Variants in CASZ1 observed in about 807,000 individuals in gnomAD.
CASZ1 encodes zinc finger protein castor homolog 1.
CASZ1 carries 28 observed loss-of-function variants against 135.2 expected under a neutral mutation model. The observed-to-expected ratio is 0.21, with a 90% CI of 0.15 to 0.28. CASZ1 has a LOEUF of 0.28. CASZ1 is among the 10% of genes least tolerant of loss of function. CASZ1 has a pLI of 1.00. For synonymous variants in CASZ1, 1,068 were observed against 1,073.4 expected (o/e 0.99, Z 0.10); for missense variants, 2,161 against 2,453.3 (o/e 0.88, Z 2.52).
intron 4 of CASZ1, 129 bp downstream of exon 4, chr1:10,693,745 G>A (rs1232524214): frequency 6.1e-6 from 5 of 825,560 alleles, no homozygotes; most frequent in African/African-American, 3.4e-5. Flanking sequence ...GACGCCGGGA[G>A]GCAGCCGCCC....
chr1:10,738,731 A>G (rs1374016214), intron 2 of CASZ1, among the ~76,000 whole-genome samples: 1 of 152,190 alleles, frequency 6.6e-6, no homozygotes, highest in Non-Finnish European at 1.5e-5. Flanking sequence ...GGGGGAGGAG[A>G]GGGAGGCAGG....
chr1:10,706,332 TC>T lies in CASZ1; in HGVS notation c.-76-789del, dbSNP rs1297401545. Among the ~76,000 whole-genome samples the T allele has an allele frequency of 6.6e-6, 1 of 151,034 alleles. No homozygotes were observed. The highest frequency in any genetic ancestry group is 6.6e-5 in the Admixed American group (1 of 15,214). Reference sequence around the variant, plus strand: ...GTACGTGGAGAGAAAACACAGGGAGTCCCCCCGCCAGCCTGCTGGCCAGGCC... The same window carrying T: ...GTACGTGGAGAGAAAACACAGGGAGTCCCCCGCCAGCCTGCTGGCCAGGCC... On this transcript the variant is annotated intron_variant, in intron 2 of 20. Transcript: ENST00000377022. The surrounding 1 kb of genome is among the most constrained non-coding windows in gnomAD (Gnocchi z 4.3).
chr1:10,691,058 G>A (rs1455028262), intron 4 of CASZ1, among the ~76,000 whole-genome samples: 1 of 146,700 alleles, frequency 6.8e-6, no homozygotes, highest in Non-Finnish European at 1.5e-5. Context: ...ATGGAACTAT[G>A]TCCTCCTCTC....
chr1:10,795,172 G>T (rs1180589710), intron 1 of CASZ1, among the ~76,000 whole-genome samples: 2 of 150,908 alleles, frequency 1.3e-5, no homozygotes, highest in African/African-American at 4.9e-5. Context: ...CCTGCCCCGG[G>T]AGATCCCTGA....
rs1456130904 is a variant in CASZ1 at position 10,756,049 on chromosome 1, C to A, written c.-77+4652G>T. ...GCACACGCCTCCCACCCGGACACACCCTCCCCCAGGGCCGGCCCAGTGTTC... is the reference window on the plus strand; with the variant it reads ...GCACACGCCTCCCACCCGGACACACACTCCCCCAGGGCCGGCCCAGTGTTC... On this transcript the variant is annotated intron_variant, in intron 2 of 20. Coordinates refer to ENST00000377022, the MANE Select transcript of CASZ1 (RefSeq NM_001079843.3). This position sits in a 1 kb window ranked among gnomAD's most constrained non-coding sequence, Gnocchi z 5.9. Among the ~76,000 whole-genome samples, 2 of 152,166 alleles carry A rather than the reference C, an allele frequency of 1.3e-5. No individual in the cohort carries two copies. The highest frequency in any genetic ancestry group is 4.1e-4 in the South Asian group (2 of 4,832).
In CASZ1 at chr1:10,757,961, C is replaced by T. The variant is rs531073630; in HGVS notation, c.-77+2740G>A. Reference sequence around the variant, plus strand: ...CCCCATCCACGTCCTGGCCACTCTGCCTTTCTTTCCAGTCACTGGATGCAC... The same window carrying T: ...CCCCATCCACGTCCTGGCCACTCTGTCTTTCTTTCCAGTCACTGGATGCAC... On this transcript the variant is annotated intron_variant, in intron 2 of 20. Coordinates refer to ENST00000377022, the MANE Select transcript of CASZ1 (RefSeq NM_001079843.3). The surrounding 1 kb of genome is among the most constrained non-coding windows in gnomAD (Gnocchi z 4.6). Among the ~76,000 whole-genome samples, 1 of 152,204 alleles carries T rather than the reference C, an allele frequency of 6.6e-6. No individual in the cohort carries two copies. Among genetic ancestry groups the T allele is most frequent in the African/African-American group, 2.4e-5 (1 of 41,442 alleles).
At chr1:10,743,720 C>T (rs1639978004) in intron 2 of CASZ1, among the ~76,000 whole-genome samples, 1 of 149,970 alleles carries the variant, frequency 6.7e-6, no homozygotes, top group South Asian at 2.1e-4. Flanking sequence ...AATAGAAATC[C>T]AGTGCCCTGT....
At chr1:10,749,841 A>G (rs2100553081) in intron 2 of CASZ1, among the ~76,000 whole-genome samples, 1 of 152,240 alleles carries the variant, frequency 6.6e-6, no homozygotes, top group East Asian at 1.9e-4. Context: ...AACCCCCAAC[A>G]ACCAAGGCCT....
intron 2 of CASZ1, among the ~76,000 whole-genome samples, chr1:10,723,940 C>T (rs2100491664): frequency 6.6e-6 from 1 of 152,274 alleles, no homozygotes; most frequent in South Asian, 2.1e-4. Context: ...TTTGGGGGTT[C>T]TTCCCGAGTC....
At chr1:10,693,798 G>A (rs1638842196) in intron 4 of CASZ1, 76 bp downstream of exon 4, 2 of 1,408,474 alleles carry the variant, frequency 1.4e-6, no homozygotes, top group Non-Finnish European at 1.0e-6. Flanking sequence ...ACCTCATTGG[G>A]CTAAAAATAA....
chr1:10,683,946 G>A (rs1468482865), intron 4 of CASZ1, among the ~76,000 whole-genome samples: 1 of 152,230 alleles, frequency 6.6e-6, no homozygotes, highest in Non-Finnish European at 1.5e-5. Flanking sequence ...AGGGCTGGAG[G>A]CCTGTGTGTC....
At chr1:10,663,902 C>G (rs141268189) in intron 5 of CASZ1, among the ~76,000 whole-genome samples, 18 of 152,174 alleles carry the variant, frequency 1.2e-4, no homozygotes, top group African/African-American at 4.3e-4. Flanking sequence ...CTCCGCTCCC[C>G]GTCAGCTGCG....
chr1:10,639,978 C>G lies in CASZ1; in HGVS notation c.4244G>C (p.Arg1415Pro). ...IIEDMSPFGK[R>P]RKTASSRKML... is the part of the protein sequence containing the mutation. ...CTTCCGGGAGGACGCCGTCTTCCGC[C>G]GCTTGCCGAAGGGCGACATGTCCTC... The change falls in exon 21 of 21, where the codon CGG (arginine) becomes CCG (proline). Residue 1415 changes from arginine to proline, a missense_variant. By Grantham distance (103) the Arg-to-Pro change is moderately radical (BLOSUM62 -2). Coordinates refer to ENST00000377022, the MANE Select transcript of CASZ1 (RefSeq NM_001079843.3). This position sits in a 1 kb window ranked among gnomAD's most constrained non-coding sequence, Gnocchi z 4.0. The G allele has an allele frequency of 6.2e-7, 1 of 1,612,806 alleles. No homozygotes were observed. Among genetic ancestry groups the G allele is most frequent in the Non-Finnish European group, 8.5e-7 (1 of 1,180,018 alleles).
chr1:10,759,642 CTCCCG>C lies in CASZ1; in HGVS notation c.-77+1054_-77+1058del, dbSNP rs1640325853. Among the ~76,000 whole-genome samples, 1 of 152,192 alleles carries C rather than the reference CTCCCG, an allele frequency of 6.6e-6. No homozygotes were observed. The highest frequency in any genetic ancestry group is 1.5e-5 in the Non-Finnish European group (1 of 68,032). ...TACCAAACCCCAGTGCGCACCAAGGCTCCCGTCTCTGCAAGCGCTTCCTCCCTGCA... is the reference window on the plus strand; with the variant it reads ...TACCAAACCCCAGTGCGCACCAAGGCTCTCTGCAAGCGCTTCCTCCCTGCA... On this transcript the variant is annotated intron_variant, in intron 2 of 20. Coordinates refer to ENST00000377022, the MANE Select transcript of CASZ1 (RefSeq NM_001079843.3). The surrounding 1 kb of genome is among the most constrained non-coding windows in gnomAD (Gnocchi z 4.2).
intron 2 of CASZ1, among the ~76,000 whole-genome samples, chr1:10,751,201 T>G (rs1276520158): frequency 6.6e-6 from 1 of 152,162 alleles, no homozygotes; most frequent in African/African-American, 2.4e-5. Context: ...ATTTCCTAAA[T>G]TATTAATCCC....
intron 1 of CASZ1, among the ~76,000 whole-genome samples, chr1:10,795,686 CAG>C (rs1570601472): frequency 6.6e-6 from 1 of 152,224 alleles, no homozygotes; most frequent in East Asian, 1.9e-4. Context: ...CCTGTGTTGC[CAG>C]CCCTTCAGCT....
chr1:10,695,309 C>T (rs1638905405), intron 3 of CASZ1, among the ~76,000 whole-genome samples: 2 of 152,122 alleles, frequency 1.3e-5, no homozygotes, highest in African/African-American at 2.4e-5. Context: ...GCCCTTAAAA[C>T]GGGTCCAAGT....
At chr1:10,681,398 G>A (rs140764347) in intron 4 of CASZ1, among the ~76,000 whole-genome samples, 11 of 152,204 alleles carry the variant, frequency 7.2e-5, no homozygotes, top group Non-Finnish European at 1.3e-4. Context: ...GGCAGCGCCC[G>A]CCTCTCCCTG....
chr1:10,709,665 AGCGAATCAAAGTGCTGCCC>A lies in CASZ1; in HGVS notation c.-76-4140_-76-4122del, dbSNP rs934714789. ...GAGAGAGAAAGAGAGGAGAAAAGAA[AGCGAATCAAAGTGCTGCCC>A]GGAGGACGGCTGGGGAGAGAAAGGC... On this transcript the variant is annotated intron_variant, in intron 2 of 20. Coordinates refer to ENST00000377022, the MANE Select transcript of CASZ1 (RefSeq NM_001079843.3). This position sits in a 1 kb window ranked among gnomAD's most constrained non-coding sequence, Gnocchi z 5.1. 9.9e-5 allele frequency among the ~76,000 whole-genome samples: 15 copies of A among 152,272 alleles called. 1 individual carries two copies. Among genetic ancestry groups the A allele is most frequent in the African/African-American group, 3.6e-4 (15 of 41,554 alleles).
Sources: gnomAD v4.1 joint callset for allele counts (sites outside exome capture counted in the v4.1 genomes callset) on GRCh38, gnomAD v4.1.1 for gene constraint, Gnocchi (gnomAD v3.1) non-coding constraint, MANE v1.5 for transcripts, NCBI Gene and HGNC (gene_info 2026-07-23, HGNC 2026-07-21) for gene names.